The following SDK1 variants were observed in gnomAD, a reference collection of about 807,000 sequenced individuals.
SDK1 encodes protein sidekick-1.
In SDK1, 157 loss-of-function variants were observed where a neutral mutation model predicts 245.5. That is an observed-to-expected ratio of 0.64 (90% CI 0.56 to 0.73). The LOEUF (loss-of-function observed/expected upper bound fraction) is 0.73. SDK1 is among the 30% of genes least tolerant of loss of function. The probability of loss-of-function intolerance (pLI) is 0.00; values close to 1 mark genes in which losing one functional copy is unlikely to be tolerated. For missense variants in SDK1, 3,583 were observed against 3,002.3 expected (o/e 1.19, Z -4.52); for synonymous variants, 1,647 against 1,278.5 (o/e 1.29, Z -6.15).
chr7:3,532,630 T>A (rs879922212), intron 1 of SDK1, among the ~76,000 whole-genome samples: 3 of 152,178 alleles, frequency 2.0e-5, no homozygotes, highest in Non-Finnish European at 2.9e-5. Context: ...CTCCAGGTCA[T>A]TATTAGGAAC....
intron 14 of SDK1, among the ~76,000 whole-genome samples, chr7:4,006,241 C>T (rs1212897964): frequency 6.6e-6 from 1 of 152,150 alleles, no homozygotes; most frequent in South Asian, 2.1e-4. Flanking sequence ...TGATTCATTC[C>T]TCGTGATTCT....
chr7:3,681,872 T>C (rs1168589186), intron 4 of SDK1, among the ~76,000 whole-genome samples: 1 of 152,190 alleles, frequency 6.6e-6, no homozygotes, highest in East Asian at 1.9e-4. Context: ...GGACCAGATA[T>C]GTTTTAGAAT....
At chr7:3,732,575 C>T (rs1400421032) in intron 4 of SDK1, among the ~76,000 whole-genome samples, 2 of 152,164 alleles carry the variant, frequency 1.3e-5, no homozygotes, top group Admixed American at 6.5e-5. Context: ...CTTTTGTTCT[C>T]TTACTGGCAA....
chr7:4,049,248 CT>C, intron 17 of SDK1, 99 bp from the exon 18 acceptor site: 1 of 812,882 alleles, frequency 1.2e-6, no homozygotes, highest in Non-Finnish European at 2.0e-6. Flanking sequence ...CAATAATTGC[CT>C]GTGAGCATGA....
At chr7:3,649,314 T>C (rs1378633371) in intron 4 of SDK1, among the ~76,000 whole-genome samples, 1 of 152,094 alleles carries the variant, frequency 6.6e-6, no homozygotes, top group Non-Finnish European at 1.5e-5. Context: ...TATAACAAAA[T>C]GCGCATTTTC....
chr7:3,663,942 C>T (rs1214873313), intron 4 of SDK1, among the ~76,000 whole-genome samples: 1 of 152,194 alleles, frequency 6.6e-6, no homozygotes, highest in Non-Finnish European at 1.5e-5. Flanking sequence ...AGTTGATACA[C>T]TTCCATGGTA....
chr7:3,683,684 G>A (rs1206161041), intron 4 of SDK1, among the ~76,000 whole-genome samples: 1 of 152,220 alleles, frequency 6.6e-6, no homozygotes, highest in African/African-American at 2.4e-5. Flanking sequence ...AGGAGAGGCA[G>A]CTGCCTGGGG....
intron 4 of SDK1, among the ~76,000 whole-genome samples, chr7:3,771,254 G>A (rs1289973365): frequency 2.0e-5 from 3 of 152,036 alleles, no homozygotes; most frequent in Admixed American, 1.3e-4. Flanking sequence ...TAGTGTGGAA[G>A]TGCACAAGCC....
chr7:3,939,095 C>A (rs555688763), intron 5 of SDK1, among the ~76,000 whole-genome samples: 270 of 152,348 alleles, frequency 1.8e-3, no homozygotes, highest in Middle Eastern at 3.4e-3. Flanking sequence ...TATTTCCTCT[C>A]TTTCCCTTTC....
rs1788698332 is a variant in SDK1 at position 4,042,395 on chromosome 7, T to G, written c.2603-6953T>G. 1.5e-5 allele frequency among the ~76,000 whole-genome samples: 2 copies of G among 136,468 alleles called. 1 individual carries two copies. The highest frequency in any genetic ancestry group is 6.7e-5 in the African/African-American group (2 of 29,840). 89.5% of individuals were successfully genotyped at this position (136,468 alleles called of 152,430 possible). On this transcript the variant is annotated intron_variant, in intron 17 of 44. Transcript: ENST00000404826. ...CTTTCACCTGTGATTATTCCCTGAG[T>G]GTCGGGGGCTTCAGGACAGAAGACT...
rs376644603 is a variant in SDK1 at position 3,581,235 on chromosome 7, C to T, written c.299-37845C>T. Among the ~76,000 whole-genome samples, 50 of 152,120 alleles carry T rather than the reference C, an allele frequency of 3.3e-4. 1 individual carries two copies. The highest frequency in any genetic ancestry group is 8.5e-4 in the Admixed American group (13 of 15,276). On this transcript the variant is annotated intron_variant, in intron 1 of 44. Transcript: ENST00000404826. The stretch of plus-strand genomic sequence containing the variant: ...TATCTGACAAAGGTATATCCAGTGT[C>T]TATAAGGAACTTAAATTTACAAAAA...
At chr7:3,305,998 A>G (rs1779408854) in intron 1 of SDK1, among the ~76,000 whole-genome samples, 1 of 152,178 alleles carries the variant, frequency 6.6e-6, no homozygotes, top group Admixed American at 6.5e-5. Context: ...CAGAATGAAA[A>G]GTCTGATCCA....
intron 1 of SDK1, among the ~76,000 whole-genome samples, chr7:3,304,923 A>G (rs2128541348): frequency 6.6e-6 from 1 of 151,906 alleles, no homozygotes; most frequent in South Asian, 2.1e-4. Flanking sequence ...ATGCTGAGAC[A>G]CCCCCTCCTC....
At chr7:3,987,469 C>G (rs1437764107) in intron 14 of SDK1, 147 bp downstream of exon 14, 2 of 841,438 alleles carry the variant, frequency 2.4e-6, no homozygotes, top group Admixed American at 4.9e-5. Flanking sequence ...ACAGCCTGCC[C>G]TTTAGGAAAG....
chr7:3,309,786 A>G (rs1048324349), intron 1 of SDK1, among the ~76,000 whole-genome samples: 1 of 152,118 alleles, frequency 6.6e-6, no homozygotes, highest in Non-Finnish European at 1.5e-5. Flanking sequence ...ATATTTATGT[A>G]TTTGCCGGCC....
At chr7:3,672,052 G>A (rs1178967338) in intron 4 of SDK1, among the ~76,000 whole-genome samples, 1 of 152,122 alleles carries the variant, frequency 6.6e-6, no homozygotes, top group Non-Finnish European at 1.5e-5. Context: ...GCCTCTGGGA[G>A]GGCTTATCCA....
intron 5 of SDK1, among the ~76,000 whole-genome samples, chr7:3,927,308 T>C (rs1217837962): frequency 6.6e-6 from 1 of 152,206 alleles, no homozygotes; most frequent in East Asian, 1.9e-4. Flanking sequence ...TCAGGAAATG[T>C]TGGGCCCTTT....
intron 30 of SDK1, among the ~76,000 whole-genome samples, chr7:4,151,658 G>A (rs1001074804): frequency 1.3e-5 from 2 of 152,094 alleles, no homozygotes; most frequent in East Asian, 1.9e-4. Context: ...CATTATTTCC[G>A]GAATCCCCTC....
rs181964754 is a variant in SDK1 at position 3,593,249 on chromosome 7, G to C, written c.299-25831G>C. Among the ~76,000 whole-genome samples, 156 of 152,250 alleles carry C rather than the reference G, an allele frequency of 1.0e-3. 1 individual carries two copies. Among genetic ancestry groups the C allele is most frequent in the African/African-American group, 3.5e-3 (147 of 41,540 alleles). ...CTGGACTTTTGAAAAGTGGCCTTTT[G>C]TCTTATTTCTACATAGAAGCACTGC... On this transcript the variant is annotated intron_variant, in intron 1 of 44. Coordinates refer to ENST00000404826, the MANE Select transcript of SDK1 (RefSeq NM_152744.4).
Sources: allele counts gnomAD v4.1 joint callset (sites outside exome capture counted in the v4.1 genomes callset), GRCh38; gene constraint gnomAD v4.1.1; transcripts MANE v1.5; gene names NCBI Gene and HGNC (gene_info 2026-07-23, HGNC 2026-07-21).